The following LRRC8D variants were observed in gnomAD, a reference collection of about 807,000 sequenced individuals.
LRRC8D encodes volume-regulated anion channel subunit LRRC8D.
A neutral mutation model predicts 55.8 loss-of-function variants in LRRC8D; 20 were observed. The ratio of observed to expected loss-of-function variants is 0.36; its 90% CI spans 0.25 to 0.52. LRRC8D has a LOEUF of 0.52. Ranked by LOEUF, LRRC8D falls within the 20% of genes least tolerant of loss-of-function variation. The pLI is 0.93. For missense variants in LRRC8D, 651 were observed against 1,030.8 expected (o/e 0.63, Z 5.05); for synonymous variants, 352 against 377.0 (o/e 0.93, Z 0.77).
chr1:89,878,955 G>A (rs1303532366), intron 2 of LRRC8D, among the ~76,000 whole-genome samples: 2 of 118,132 alleles, frequency 1.7e-5, no homozygotes, highest in Admixed American at 1.9e-4. Flanking sequence ...CAACAAGAGC[G>A]AAAATCCGTC....
intron 2 of LRRC8D, among the ~76,000 whole-genome samples, chr1:89,924,613 G>A (rs1028027270): frequency 1.3e-5 from 2 of 152,098 alleles, no homozygotes; most frequent in African/African-American, 4.8e-5. Context: ...ATGTGTACTT[G>A]TATGTTCATT....
intron 2 of LRRC8D, among the ~76,000 whole-genome samples, chr1:89,844,138 T>A (rs1329670882): frequency 6.6e-6 from 1 of 152,162 alleles, no homozygotes; most frequent in Non-Finnish European, 1.5e-5. Flanking sequence ...AAGCAGCAGC[T>A]CTTTGTTCCT....
At chr1:89,889,578 T>TA in intron 2 of LRRC8D, among the ~76,000 whole-genome samples, 1 of 135,518 alleles carries the variant, frequency 7.4e-6, no homozygotes. Context: ...TAAATGTTTG[T>TA]TTAAAAAAAA....
At chr1:89,828,007 G>A (rs1039994499) in intron 1 of LRRC8D, among the ~76,000 whole-genome samples, 1 of 152,166 alleles carries the variant, frequency 6.6e-6, no homozygotes, top group Non-Finnish European at 1.5e-5. Flanking sequence ...TCTGGATATG[G>A]AGTTTAGTTT....
chr1:89,924,747 A>G (rs1181245263), intron 2 of LRRC8D, among the ~76,000 whole-genome samples: 1 of 152,156 alleles, frequency 6.6e-6, no homozygotes, highest in East Asian at 1.9e-4. Context: ...AGAAAAGAAT[A>G]TATCATGTTT....
chr1:89,894,212 G>A (rs1201165177), intron 2 of LRRC8D, among the ~76,000 whole-genome samples: 2 of 152,228 alleles, frequency 1.3e-5, no homozygotes, highest in Non-Finnish European at 2.9e-5. Context: ...AAACTCGGCT[G>A]TGTTGGTACC....
intron 2 of LRRC8D, among the ~76,000 whole-genome samples, chr1:89,848,988 G>A (rs1201712665): frequency 1.3e-5 from 2 of 152,114 alleles, no homozygotes; most frequent in African/African-American, 2.4e-5. Context: ...ATGAGCCACC[G>A]TACCTGGCCA....
At chr1:89,878,392 A>G (rs12091709) in intron 2 of LRRC8D, among the ~76,000 whole-genome samples, 27,172 of 152,178 alleles carry the variant, frequency 0.18, 2,506 homozygotes, top group Non-Finnish European at 0.2. Context: ...ATCAGTACAT[A>G]ATATGAGAAG....
chr1:89,824,642 C>A (rs773027521), intron 1 of LRRC8D, among the ~76,000 whole-genome samples: 1 of 152,102 alleles, frequency 6.6e-6, no homozygotes, highest in African/African-American at 2.4e-5. Flanking sequence ...TGCCTACTCT[C>A]TTTGAATGCA....
intron 2 of LRRC8D, among the ~76,000 whole-genome samples, chr1:89,856,784 A>G (rs1296757547): frequency 1.3e-5 from 2 of 152,184 alleles, no homozygotes; most frequent in African/African-American, 2.4e-5. Context: ...GGTAATTTAC[A>G]TGTAAAGTGG....
intron 2 of LRRC8D, among the ~76,000 whole-genome samples, chr1:89,918,731 A>C (rs1379891989): frequency 6.6e-6 from 1 of 152,236 alleles, no homozygotes; most frequent in Admixed American, 6.5e-5. Context: ...CAGGTGGTCT[A>C]TCCGAATGAG....
chr1:89,857,711 C>G (rs1224659697), intron 2 of LRRC8D, among the ~76,000 whole-genome samples: 3 of 152,164 alleles, frequency 2.0e-5, no homozygotes, highest in South Asian at 2.1e-4. Context: ...GTTGTCAGCC[C>G]CTGTCCTATA....
At chr1:89,856,348 A>G (rs1343309897) in intron 2 of LRRC8D, among the ~76,000 whole-genome samples, 1 of 151,974 alleles carries the variant, frequency 6.6e-6, no homozygotes, top group Non-Finnish European at 1.5e-5. Flanking sequence ...ACACACACAC[A>G]CTCTCAGGTA....
intron 2 of LRRC8D, among the ~76,000 whole-genome samples, chr1:89,884,248 C>T (rs1557466843): frequency 6.6e-6 from 1 of 152,176 alleles, no homozygotes; most frequent in Admixed American, 6.5e-5. Flanking sequence ...AGAAAACAAT[C>T]TCACAGTAAG....
At chr1:89,837,515 G>C (rs747872323) in intron 1 of LRRC8D, among the ~76,000 whole-genome samples, 17 of 152,206 alleles carry the variant, frequency 1.1e-4, no homozygotes, top group Non-Finnish European at 2.2e-4. Flanking sequence ...GGTCAGCCAG[G>C]CTATCGAAGT....
chr1:89,856,334 T>TCA (rs369228277), intron 2 of LRRC8D, among the ~76,000 whole-genome samples: 28 of 151,546 alleles, frequency 1.8e-4, no homozygotes, highest in Admixed American at 8.5e-4. Context: ...TCTCTCTCTC[T>TCA]CACACACACA....
chr1:89,864,243 A>G (rs1356377197), intron 2 of LRRC8D, among the ~76,000 whole-genome samples: 1 of 152,196 alleles, frequency 6.6e-6, no homozygotes, highest in Admixed American at 6.5e-5. Context: ...GCAAGTCAGT[A>G]GCATTTTTGT....
At chr1:89,880,456 A>AT (rs199892284) in intron 2 of LRRC8D, among the ~76,000 whole-genome samples, 18,940 of 138,460 alleles carry the variant, frequency 0.14, 1,374 homozygotes, top group South Asian at 0.21. Context: ...CCTAGGTTTG[A>AT]TTTTTTTTTT....
chr1:89,931,415 C>T (rs1402904830), intron 2 of LRRC8D, among the ~76,000 whole-genome samples: 1 of 152,102 alleles, frequency 6.6e-6, no homozygotes, highest in African/African-American at 2.4e-5. Flanking sequence ...AAACCAGAAT[C>T]AGCCTCAGAA....
Sources: gnomAD v4.1 joint callset for allele counts (sites outside exome capture counted in the v4.1 genomes callset) on GRCh38, gnomAD v4.1.1 for gene constraint, MANE v1.5 for transcripts, NCBI Gene and HGNC (gene_info 2026-07-23, HGNC 2026-07-21) for gene names.